Variants in FBLN5 observed in about 807,000 individuals in gnomAD.
FBLN5 encodes fibulin 5.
A neutral mutation model predicts 61.6 loss-of-function variants in FBLN5; 24 were observed. The observed-to-expected ratio is 0.39, with a 90% CI of 0.28 to 0.55. The LOEUF is 0.55. FBLN5 is among the 20% of genes least tolerant of loss of function. The probability of loss-of-function intolerance (pLI) is 0.65; values close to 1 mark genes in which losing one functional copy is unlikely to be tolerated. For synonymous variants in FBLN5, 213 were observed against 219.8 expected, an observed-to-expected ratio of 0.97 and a Z score of 0.27; for missense variants, 470 against 594.1, an observed-to-expected ratio of 0.79 and a Z score of 2.17.
Position 91,947,207 on chromosome 14 carries a change from A to AC in FBLN5, c.17+5dup, listed in dbSNP as rs1379487727. 1.2e-6 allele frequency: 2 copies of AC among 1,614,056 alleles called. No homozygotes were observed. Among genetic ancestry groups the AC allele is most frequent in the Non-Finnish European group, 1.7e-6 (2 of 1,180,020 alleles). On this transcript the variant is annotated splice_donor_region_variant and intron_variant, in intron 1 of 10. Coordinates refer to ENST00000342058, the MANE Select transcript of FBLN5 (RefSeq NM_006329.4). The surrounding 1 kb of genome is among the most constrained non-coding windows in gnomAD (Gnocchi z 4.3). ...GAGAAAGAAAAGTCCAGCGCCGAGAACCCACCTTTTTATTCCTGGCATGTC... is the reference window on the plus strand; with the variant it reads ...GAGAAAGAAAAGTCCAGCGCCGAGAACCCCACCTTTTTATTCCTGGCATGTC...
intron 4 of FBLN5, 146 bp from the exon 5 acceptor site, chr14:91,895,218 T>C: frequency 1.1e-6 from 1 of 879,352 alleles, no homozygotes; most frequent in Non-Finnish European, 1.8e-6. Context: ...GCTTCCCCGA[T>C]GGGCACCTCT....
At chr14:91,908,728 C>T (rs1006287495) in intron 4 of FBLN5, among the ~76,000 whole-genome samples, 1 of 152,150 alleles carries the variant, frequency 6.6e-6, no homozygotes, top group African/African-American at 2.4e-5. Context: ...AGGAGCCCAT[C>T]CCAACCCAGT....
intron 4 of FBLN5, among the ~76,000 whole-genome samples, chr14:91,904,899 T>C (rs1890616127): frequency 6.6e-6 from 1 of 152,194 alleles, no homozygotes; most frequent in African/African-American, 2.4e-5. Flanking sequence ...CTGGGACAGC[T>C]TGACATCCCA....
intron 9 of FBLN5, among the ~76,000 whole-genome samples, chr14:91,880,094 G>A (rs1169526154): frequency 1.3e-5 from 2 of 152,230 alleles, no homozygotes; most frequent in African/African-American, 2.4e-5. Flanking sequence ...GCCGTCTGGT[G>A]ATTTAGTAAA....
rs779934392 is a variant in FBLN5 at position 91,877,607 on chromosome 14, C to T, written c.1065G>A (p.Val355=). ...PFTILYRDMD[V]VSGRSVPADI... The stretch of plus-strand genomic sequence containing the variant: ...CAGCGGGAACGGAGCGTCCTGACAC[C>T]ACGTCCATGTCCCGGTACAAGATGG... The change falls in exon 10 of 11, where the codon GTG becomes GTA. Residue 355 remains valine, a synonymous_variant. Transcript: ENST00000342058. The T allele has an allele frequency of 1.1e-5, 17 of 1,613,908 alleles. No homozygotes were observed. Among genetic ancestry groups the T allele is most frequent in the Non-Finnish European group, 1.4e-5 (17 of 1,179,910 alleles).
At chr14:91,894,343 C>T (rs933169530) in intron 5 of FBLN5, among the ~76,000 whole-genome samples, 1 of 121,266 alleles carries the variant, frequency 8.2e-6, no homozygotes, top group African/African-American at 3.2e-5. Context: ...GTAGAGATTG[C>T]AATGAGTCAA....
chr14:91,906,873 A>G (rs1377202459), intron 4 of FBLN5, among the ~76,000 whole-genome samples: 1 of 152,224 alleles, frequency 6.6e-6, no homozygotes, highest in Non-Finnish European at 1.5e-5. Flanking sequence ...TGGTATCGGT[A>G]CTAGGGATTC....
intron 4 of FBLN5, among the ~76,000 whole-genome samples, chr14:91,910,439 G>A (rs895303559): frequency 4.6e-5 from 7 of 152,172 alleles, no homozygotes; most frequent in Non-Finnish European, 8.8e-5. Context: ...AAAAAGTTCT[G>A]CGGCACAACA....
chr14:91,884,745 C>T (rs779486277), intron 7 of FBLN5, among the ~76,000 whole-genome samples: 18 of 152,244 alleles, frequency 1.2e-4, no homozygotes, highest in Admixed American at 3.9e-4. Context: ...GGGGCAAGCA[C>T]CCAAGCAGGG....
At chr14:91,871,776 GA>G (rs1407458653) in intron 10 of FBLN5, among the ~76,000 whole-genome samples, 1 of 151,778 alleles carries the variant, frequency 6.6e-6, no homozygotes, top group Non-Finnish European at 1.5e-5. Context: ...AGAATTGCTT[GA>G]ACCTGGGGGG....
intron 4 of FBLN5, among the ~76,000 whole-genome samples, chr14:91,906,011 C>T (rs1340908694): frequency 6.6e-6 from 1 of 152,098 alleles, no homozygotes; most frequent in East Asian, 1.9e-4. Context: ...CTCAGCCTCC[C>T]GAATGGATGG....
intron 10 of FBLN5, 66 bp from the exon 11 acceptor site, chr14:91,870,451 G>A: frequency 6.5e-7 from 1 of 1,545,564 alleles, no homozygotes; most frequent in Non-Finnish European, 8.9e-7. Flanking sequence ...GCCCCACCTG[G>A]GCGCTCCCTT....
rs1888868662 is a variant in FBLN5, at chr14:91,870,466, C to T, written c.1186-81G>A. 1.2e-5 allele frequency: 17 copies of T among 1,433,082 alleles called. No homozygotes were observed. In the South Asian group the frequency reaches 1.9e-4, roughly 16 times the overall value. 88.8% of individuals were successfully genotyped at this position (1,433,082 alleles called of 1,614,324 possible). A position where few individuals can be genotyped will look rare whatever the true frequency, so the allele number is the denominator to read the frequency against. On this transcript the variant is annotated intron_variant, in intron 10 of 10. Coordinates refer to ENST00000342058, the MANE Select transcript of FBLN5 (RefSeq NM_006329.4). The stretch of plus-strand genomic sequence containing the variant: ...GCCCCACCTGGGCGCTCCCTTGCCT[C>T]CGTCAGTCAAACTGGCACCCCCTCG...
intron 10 of FBLN5, among the ~76,000 whole-genome samples, chr14:91,871,545 T>C (rs1443079378): frequency 6.6e-6 from 1 of 152,186 alleles, no homozygotes; most frequent in Non-Finnish European, 1.5e-5. Flanking sequence ...ACCATGTTTA[T>C]GTACATCTGC....
rs139173858 is a variant in FBLN5 at position 91,897,563 on chromosome 14, C to T, written c.380-2491G>A. 7.4e-4 allele frequency among the ~76,000 whole-genome samples: 112 copies of T among 152,246 alleles called. No homozygotes were observed. In the Middle Eastern group the frequency reaches 0.01, roughly 14 times the overall value. ...GCAAGTTCCCAAGCCTCTGTGCTTG[C>T]GTAATTTGCATCCCACACAACTGTG... On this transcript the variant is annotated intron_variant, in intron 4 of 10. Coordinates refer to ENST00000342058, the MANE Select transcript of FBLN5 (RefSeq NM_006329.4).
chr14:91,878,321 A>T (rs7151823), intron 9 of FBLN5, among the ~76,000 whole-genome samples: 1 of 152,214 alleles, frequency 6.6e-6, no homozygotes, highest in Non-Finnish European at 1.5e-5. Flanking sequence ...CCACAGACAC[A>T]AATATCTCTA....
At chr14:91,880,278 C>T (rs1336477488) in intron 9 of FBLN5, among the ~76,000 whole-genome samples, 2 of 152,162 alleles carry the variant, frequency 1.3e-5, no homozygotes, top group Non-Finnish European at 2.9e-5. Flanking sequence ...GCCAGAAAGG[C>T]GGAATCTTGG....
At chr14:91,879,495 C>T (rs961423429) in intron 9 of FBLN5, among the ~76,000 whole-genome samples, 3 of 152,102 alleles carry the variant, frequency 2.0e-5, no homozygotes, top group African/African-American at 2.4e-5. Context: ...GCATTGTCAG[C>T]GTCATGCCAG....
At chr14:91,932,100 C>T (rs2055934277) in intron 4 of FBLN5, among the ~76,000 whole-genome samples, 1 of 152,192 alleles carries the variant, frequency 6.6e-6, no homozygotes, top group African/African-American at 2.4e-5. Context: ...GTCTGTCTGG[C>T]TCTCCCTCCC....
Sources: gnomAD v4.1 joint callset for allele counts (sites outside exome capture counted in the v4.1 genomes callset) on GRCh38, gnomAD v4.1.1 for gene constraint, Gnocchi (gnomAD v3.1) non-coding constraint, MANE v1.5 for transcripts, NCBI Gene and HGNC (gene_info 2026-07-23, HGNC 2026-07-21) for gene names.